Variants in DMD observed in about 807,000 individuals in gnomAD.
DMD encodes dystrophin, also known as mutant dystrophin.
Under a neutral mutation model 330.1 loss-of-function variants are expected in DMD, and 63 were observed. That is an observed-to-expected ratio of 0.19 (90% confidence interval 0.16 to 0.24). DMD has a LOEUF of 0.24. Among genes scored for constraint, DMD ranks in the 10% least tolerant of loss-of-function variants. DMD has a pLI of 1.00. For synonymous variants in DMD, 1,223 were observed against 959.8 expected (o/e 1.27, Z -5.07); for missense variants, 3,344 against 2,684.1 (o/e 1.25, Z -5.43).
intron 44 of DMD, among the ~76,000 whole-genome samples, chrX:32,138,981 C>G (rs141729128): frequency 8.9e-6 from 1 of 112,326 alleles, no homozygotes; most frequent in East Asian, 2.8e-4. Flanking sequence ...GACCACTGGA[C>G]GGAACTTTTT....
At chrX:33,226,968 T>G (rs1462185446) in intron 1 of DMD, among the ~76,000 whole-genome samples, 2 of 109,596 alleles carry the variant, frequency 1.8e-5, no homozygotes, top group Non-Finnish European at 1.9e-5. Flanking sequence ...TGCACTTGCT[T>G]TTTTTTGTTA....
chrX:32,811,966 A>G (rs1160764050), intron 6 of DMD, among the ~76,000 whole-genome samples: 3 of 112,084 alleles, frequency 2.7e-5, no homozygotes, highest in Non-Finnish European at 5.6e-5. Context: ...GCCTGGCTCC[A>G]TTGGAAGATT....
At chrX:32,931,524 A>G (rs901730692) in intron 2 of DMD, among the ~76,000 whole-genome samples, 1 of 111,854 alleles carries the variant, frequency 8.9e-6, no homozygotes, top group African/African-American at 3.2e-5. Flanking sequence ...TGAGGTATAA[A>G]TCAACAGAAT....
intron 13 of DMD, among the ~76,000 whole-genome samples, chrX:32,581,849 C>T (rs180715511): frequency 2.8e-4 from 31 of 111,660 alleles, no homozygotes; most frequent in African/African-American, 9.1e-4. Flanking sequence ...AAAGATTATA[C>T]GTCTTATCCA....
At chrX:32,613,796 T>A (rs746834851) in intron 12 of DMD, among the ~76,000 whole-genome samples, 38 of 111,611 alleles carry the variant, frequency 3.4e-4, no homozygotes, top group Non-Finnish European at 5.7e-4. Context: ...CTGTATTTTT[T>A]AAAAAAACAA....
chrX:32,384,817 T>G (rs950092918), intron 33 of DMD, among the ~76,000 whole-genome samples: 2 of 111,244 alleles, frequency 1.8e-5, no homozygotes, highest in Non-Finnish European at 3.8e-5. Flanking sequence ...ACCTGAGTTG[T>G]AAAAATATAA....
chrX:32,496,660 G>A (rs915574138), intron 19 of DMD, among the ~76,000 whole-genome samples: 2 of 112,546 alleles, frequency 1.8e-5, no homozygotes, highest in Non-Finnish European at 3.8e-5. Flanking sequence ...ACACACACAC[G>A]CACATGTCTG....
intron 64 of DMD, among the ~76,000 whole-genome samples, chrX:31,222,060 G>C (rs909578356): frequency 8.1e-5 from 9 of 110,878 alleles, no homozygotes; most frequent in African/African-American, 2.6e-4. Context: ...GCCAGGCGTG[G>C]TGGTGGGTGC....
At chrX:31,476,397 G>GTGTATATATATATA (rs796082098) in intron 59 of DMD, among the ~76,000 whole-genome samples, 33 of 88,311 alleles carry the variant, frequency 3.7e-4, no homozygotes, top group African/African-American at 1.3e-3. Flanking sequence ...GTGTGTGTGT[G>GTGTATATATATATA]TATATATATA....
intron 5 of DMD, among the ~76,000 whole-genome samples, chrX:32,820,315 G>A (rs908952502): frequency 2.7e-5 from 3 of 111,040 alleles, no homozygotes; most frequent in Non-Finnish European, 5.7e-5. Context: ...GGTGGCGGGC[G>A]CCTGTAGTCC....
chrX:32,658,785 T>C (rs1317349225), intron 9 of DMD, among the ~76,000 whole-genome samples: 1 of 111,548 alleles, frequency 9.0e-6, no homozygotes, highest in Non-Finnish European at 1.9e-5. Context: ...GAAATCATGC[T>C]GCATAAAACC....
intron 2 of DMD, among the ~76,000 whole-genome samples, chrX:32,859,505 A>ACACACACACACACACACG (rs1196332140): frequency 1.1e-5 from 1 of 90,564 alleles, no homozygotes. Flanking sequence ...ACACACACAC[A>ACACACACACACACACACG]CACACAAGTT....
chrX:33,303,055 A>G (rs1307925141), intron 1 of DMD, among the ~76,000 whole-genome samples: 1 of 111,419 alleles, frequency 9.0e-6, no homozygotes, highest in African/African-American at 3.3e-5. Flanking sequence ...TTGCTTGTTC[A>G]CTGGTTTCCT....
chrX:32,777,187 G>A (rs370040232), intron 7 of DMD, among the ~76,000 whole-genome samples: 46 of 94,824 alleles, frequency 4.9e-4, no homozygotes, highest in South Asian at 2.3e-3. Context: ...ACTTTGTTTC[G>A]CAGCATTATC....
intron 15 of DMD, among the ~76,000 whole-genome samples, chrX:32,567,975 T>C (rs2051936383): frequency 8.9e-6 from 1 of 112,137 alleles, no homozygotes; most frequent in Admixed American, 9.4e-5. Flanking sequence ...TGTTAGAAAC[T>C]ATTTTAAATA....
intron 37 of DMD, among the ~76,000 whole-genome samples, chrX:32,356,886 A>T (rs923717793): frequency 9.0e-6 from 1 of 111,367 alleles, no homozygotes; most frequent in African/African-American, 3.3e-5. Flanking sequence ...TATTATTGAA[A>T]TTTTTTTTAA....
chrX:31,217,975 C>A (rs1015117349), intron 64 of DMD, among the ~76,000 whole-genome samples: 2 of 111,733 alleles, frequency 1.8e-5, no homozygotes, highest in Admixed American at 1.9e-4. Context: ...ATTCTACATT[C>A]GGAGCTTACC....
chrX:31,146,522 C>T, intron 75 of DMD, 108 bp from the exon 76 acceptor site: 1 of 774,924 alleles, frequency 1.3e-6, no homozygotes, highest in Non-Finnish European at 1.9e-6. Flanking sequence ...ACCCTTCCTA[C>T]TTTAGAAGCC....
intron 7 of DMD, among the ~76,000 whole-genome samples, chrX:32,789,442 G>T (rs2075653257): frequency 8.9e-6 from 1 of 111,912 alleles, no homozygotes; most frequent in Admixed American, 9.5e-5. Context: ...TATCTTAGCT[G>T]CAGGATACTC....
Sources: allele counts gnomAD v4.1 joint callset (sites outside exome capture counted in the v4.1 genomes callset), GRCh38; gene constraint gnomAD v4.1.1; transcripts MANE v1.5; gene names NCBI Gene and HGNC (gene_info 2026-07-23, HGNC 2026-07-21).